HYCC1: variants seen among roughly 807,000 people sequenced by gnomAD.
HYCC1 encodes the protein hyccin.
the HYCC1 span, among the ~76,000 whole-genome samples, chr7:22,930,985 C>T: frequency 6.6e-6 from 1 of 152,168 alleles, no homozygotes; most frequent in South Asian, 2.1e-4. Flanking sequence ...TATCAAGCAA[C>T]TTCCTCAATG....
chr7:22,901,421 ACACAC>A, the HYCC1 span, among the ~76,000 whole-genome samples: 1 of 152,082 alleles, frequency 6.6e-6, no homozygotes, highest in African/African-American at 2.4e-5. Flanking sequence ...ACTGGTGTAA[ACACAC>A]CAATTAGAAG....
chr7:23,012,625 C>G, the HYCC1 span, among the ~76,000 whole-genome samples: 1 of 152,084 alleles, frequency 6.6e-6, no homozygotes. Context: ...CTTGTCTTTG[C>G]CTGCACTTCA....
the HYCC1 span, among the ~76,000 whole-genome samples, chr7:22,972,663 T>A: frequency 6.6e-6 from 1 of 152,242 alleles, no homozygotes; most frequent in African/African-American, 2.4e-5. Context: ...TAGTGCCATA[T>A]ACATTTAGTA....
chr7:22,977,402 C>T, the HYCC1 span: 4 of 1,587,142 alleles, frequency 2.5e-6, no homozygotes, highest in South Asian at 4.4e-5. Flanking sequence ...TTTGGTATGT[C>T]CCTGTTTGTC....
the HYCC1 span, chr7:22,960,211 A>G: frequency 1.3e-6 from 2 of 1,580,642 alleles, no homozygotes; most frequent in South Asian, 1.1e-5. Flanking sequence ...GAAAAATGTA[A>G]AAGAATCAAC....
chr7:22,992,095 T>A, the HYCC1 span, among the ~76,000 whole-genome samples: 1 of 151,870 alleles, frequency 6.6e-6, no homozygotes, highest in Admixed American at 6.6e-5. Context: ...AGCAGTTATT[T>A]CCATTCCTGG....
At chr7:22,921,733 T>A in the HYCC1 span, among the ~76,000 whole-genome samples, 9 of 152,210 alleles carry the variant, frequency 5.9e-5, no homozygotes, top group African/African-American at 1.7e-4. Context: ...TATGAATTTT[T>A]AAAATTCTGT....
At chr7:22,958,362 G>A in the HYCC1 span, among the ~76,000 whole-genome samples, 1 of 152,164 alleles carries the variant, frequency 6.6e-6, no homozygotes, top group Non-Finnish European at 1.5e-5. Context: ...GATAAACAAG[G>A]CTAAGCTGTA....
the HYCC1 span, among the ~76,000 whole-genome samples, chr7:22,994,981 C>T: frequency 1.3e-5 from 2 of 152,118 alleles, no homozygotes; most frequent in Admixed American, 6.6e-5. Context: ...CTGGAATTTA[C>T]AGTCTATTAC....
the HYCC1 span, among the ~76,000 whole-genome samples, chr7:22,973,052 T>C: frequency 1.3e-5 from 2 of 152,236 alleles, no homozygotes; most frequent in Non-Finnish European, 2.9e-5. Flanking sequence ...GTCAATCATT[T>C]TGGTATAGTC....
chr7:22,942,382 A>G, the HYCC1 span: 1 of 152,160 alleles, frequency 6.6e-6, no homozygotes, highest in Non-Finnish European at 1.5e-5. Context: ...AGTGGTATAC[A>G]AAGGACTCCA....
At chr7:22,949,317 ACAACT>A in the HYCC1 span, among the ~76,000 whole-genome samples, 108 of 152,196 alleles carry the variant, frequency 7.1e-4, no homozygotes, top group African/African-American at 2.4e-3. Flanking sequence ...GAAGAGCTAC[ACAACT>A]ATTCAGTGGG....
the HYCC1 span, among the ~76,000 whole-genome samples, chr7:22,996,597 T>TAAAAAAAAAAAA: frequency 9.4e-6 from 1 of 106,554 alleles, no homozygotes; most frequent in African/African-American, 4.3e-5. Flanking sequence ...GTACAATTGT[T>TAAAAAAAAAAAA]AAAAAAAAAA....
chr7:23,014,089 G>A, the HYCC1 span: 1 of 470,468 alleles, frequency 2.1e-6, no homozygotes, highest in Non-Finnish European at 4.4e-6. Flanking sequence ...CTCACTGACT[G>A]ACAACCCAGC....
the HYCC1 span, among the ~76,000 whole-genome samples, chr7:22,991,584 G>T: frequency 6.6e-6 from 1 of 152,056 alleles, no homozygotes; most frequent in Non-Finnish European, 1.5e-5. Flanking sequence ...CAGTAACTAG[G>T]CAAGCCATGT....
At chr7:22,953,691 T>A in the HYCC1 span, among the ~76,000 whole-genome samples, 1 of 151,830 alleles carries the variant, frequency 6.6e-6, no homozygotes, top group Non-Finnish European at 1.5e-5. Context: ...ATATTTTATT[T>A]TGTCCTCCAT....
At chr7:22,978,571 T>C in the HYCC1 span, 4 of 815,076 alleles carry the variant, frequency 4.9e-6, no homozygotes, top group Admixed American at 2.2e-5. Flanking sequence ...TTAAAATAGC[T>C]AAGTTGTAGG....
chr7:22,978,536 G>T, the HYCC1 span: 1 of 1,097,270 alleles, frequency 9.1e-7, no homozygotes. Flanking sequence ...TCTCAGATTG[G>T]TAAAAATCAT....
the HYCC1 span, among the ~76,000 whole-genome samples, chr7:22,932,512 A>G: frequency 1.3e-5 from 2 of 152,100 alleles, no homozygotes; most frequent in African/African-American, 2.4e-5. Flanking sequence ...TTGTCCCACC[A>G]TTGTATTTTG....
Sources: allele counts gnomAD v4.1 joint callset (sites outside exome capture counted in the v4.1 genomes callset), GRCh38; gene constraint gnomAD v4.1.1; transcripts MANE v1.5; gene names NCBI Gene and HGNC (gene_info 2026-07-23, HGNC 2026-07-21).